VILL: variants seen among roughly 807,000 people sequenced by gnomAD.
VILL encodes villin-like protein.
VILL carries 102 observed loss-of-function variants against 106.3 expected under a neutral mutation model. That is an observed-to-expected ratio of 0.96 (90% CI 0.82 to 1.13). The LOEUF (loss-of-function observed/expected upper bound fraction) is 1.13, where lower values mean the gene tolerates loss of function less well. Ranked by LOEUF, VILL falls within the 50% of genes most tolerant of loss-of-function variation. The pLI, the probability that VILL is intolerant of heterozygous loss-of-function variation, is 0.00. For missense variants in VILL, 1,076 were observed against 1,116.6 expected, an observed-to-expected ratio of 0.96 and a Z score of 0.52; for synonymous variants, 431 against 440.3, an observed-to-expected ratio of 0.98 and a Z score of 0.27.
chr3:37,997,850 T>C lies in VILL; in HGVS notation c.764+165T>C, dbSNP rs1383690494. On this transcript the variant is annotated intron_variant, in intron 7 of 19. Coordinates refer to ENST00000383759, the MANE Select transcript of VILL (RefSeq NM_015873.4). This position sits in a 1 kb window ranked among gnomAD's most constrained non-coding sequence, Gnocchi z 4.7. ...GTCCAGCCTGTACTCTTCCATGGCA[T>C]GTGGCTGCCTTGCTGAGAAACCTAT... 6.6e-6 allele frequency among the ~76,000 whole-genome samples: 1 copy of C among 152,166 alleles called. No individual in the cohort carries two copies. The highest frequency in any genetic ancestry group is 1.9e-4 in the East Asian group (1 of 5,178).
intron 1 of VILL, among the ~76,000 whole-genome samples, chr3:37,991,686 T>C (rs1413370134): frequency 6.6e-6 from 1 of 151,812 alleles, no homozygotes. Context: ...AAGGAGGGCT[T>C]CTAGGAGAAG....
At chr3:38,004,054 C>T (rs539856893) in intron 15 of VILL, 6 of 587,214 alleles carry the variant, frequency 1.0e-5, no homozygotes, top group South Asian at 5.9e-5. Context: ...CTGGGTGGGG[C>T]GAGAGCTTTC....
chr3:37,999,040 C>G lies in VILL; in HGVS notation c.1071C>G (p.Leu357=), dbSNP rs1473016674. 7.6e-7 allele frequency: 1 copy of G among 1,308,016 alleles called. No individual in the cohort carries two copies. Among genetic ancestry groups the G allele is most frequent in the South Asian group, 1.2e-5 (1 of 81,366 alleles). 81.0% of individuals were successfully genotyped at this position (1,308,016 alleles called of 1,614,324 possible). A position where few individuals can be genotyped will look rare whatever the true frequency, so the allele number is the denominator to read the frequency against. Residue 357 remains leucine (L), a synonymous_variant, in exon 10 of 20, where the codon CTC becomes CTG. Transcript: ENST00000383759. ...WSEKRRRNQK[L]GGRDKSIHVK... Reference sequence around the variant, plus strand: ...AGAAGCGGCGCAGGAACCAGAAGCTCGGCGGGAGGGGTGAGCGGGCGGGGC... The same window carrying G: ...AGAAGCGGCGCAGGAACCAGAAGCTGGGCGGGAGGGGTGAGCGGGCGGGGC...
In VILL at chr3:37,997,875, T is replaced by C. The variant is rs1699734529; in HGVS notation, c.764+190T>C. On this transcript the variant is annotated intron_variant, in intron 7 of 19. Transcript: ENST00000383759. The surrounding 1 kb of genome is among the most constrained non-coding windows in gnomAD (Gnocchi z 4.7). ...TGTGGCTGCCTTGCTGAGAAACCTA[T>C]TGTACATACAGGGGGACTGTGGCGC... Among the ~76,000 whole-genome samples, 1 of 152,310 alleles carries C rather than the reference T, an allele frequency of 6.6e-6. No individual in the cohort carries two copies. The highest frequency in any genetic ancestry group is 6.5e-5 in the Admixed American group (1 of 15,306).
At chr3:38,006,096 G>A (rs1423958759) in intron 17 of VILL, 85 bp from the exon 18 acceptor site, 1 of 1,605,478 alleles carries the variant, frequency 6.2e-7, no homozygotes, top group African/African-American at 1.3e-5. Context: ...GAGAGACCTG[G>A]TCTTGTCCTC....
At chr3:38,006,036 G>A in intron 17 of VILL, 62 bp downstream of exon 17, 1 of 1,590,916 alleles carries the variant, frequency 6.3e-7, no homozygotes, top group African/African-American at 1.3e-5. Flanking sequence ...CCTGACCTGG[G>A]CCAATGGAAT....
chr3:38,001,394 A>G, intron 11 of VILL, 62 bp from the exon 12 acceptor site: 1 of 1,597,074 alleles, frequency 6.3e-7, no homozygotes, highest in Non-Finnish European at 8.5e-7. Context: ...GGTTGGGTAC[A>G]GGATGGGTGG....
chr3:37,993,813 C>T (rs1173168129), intron 2 of VILL, 81 bp downstream of exon 2: 6 of 1,607,012 alleles, frequency 3.7e-6, no homozygotes, highest in Non-Finnish European at 4.3e-6. Flanking sequence ...CCGCCCCCAA[C>T]TCAGAGCGTC....
In VILL at chr3:37,993,636, G is replaced by C; in HGVS notation, c.-37G>C. The C allele has an allele frequency of 6.2e-7, 1 of 1,606,994 alleles. No homozygotes were observed. Among genetic ancestry groups the C allele is most frequent in the Non-Finnish European group, 8.5e-7 (1 of 1,175,272 alleles). On this transcript the variant is annotated 5_prime_UTR_variant, in exon 2 of 20. Transcript: ENST00000383759. ...CTCCAGCCTGAGAACTCTGGCTGTT[G>C]TTCCTTGTGTCGTCCCATATTCCTG... is the stretch of plus-strand genomic sequence containing the variant.
intron 16 of VILL, among the ~76,000 whole-genome samples, chr3:38,004,625 A>T (rs1224768220): frequency 6.6e-6 from 1 of 152,176 alleles, no homozygotes; most frequent in Non-Finnish European, 1.5e-5. Flanking sequence ...GTTGGAACTC[A>T]GGGGTAACTG....
chr3:38,002,688 G>A lies in VILL; in HGVS notation c.1659+113G>A, dbSNP rs1699841463. 3.2e-6 allele frequency: 4 copies of A among 1,230,790 alleles called. No homozygotes were observed. In the South Asian group the frequency reaches 5.9e-5, roughly 18 times the overall value. The allele number at this position is 1,230,790 out of a possible 1,614,324, so 76.2% of individuals were successfully genotyped here. A position where few individuals can be genotyped will look rare whatever the true frequency, so the allele number is the denominator to read the frequency against. On this transcript the variant is annotated intron_variant, in intron 14 of 19. Coordinates refer to ENST00000383759, the MANE Select transcript of VILL (RefSeq NM_015873.4). The stretch of plus-strand genomic sequence containing the variant: ...TGAGTCCAGCCTCAGATAGGCCGAT[G>A]GGGGGAATGGGGAGGGGAAGAAGCC...
At chr3:37,989,450 C>T (rs1699585019), upstream of VILL, among the ~76,000 whole-genome samples, 1 of 152,130 alleles carries the variant, frequency 6.6e-6, no homozygotes, top group Non-Finnish European at 1.5e-5. Flanking sequence ...GCTCCTGCTG[C>T]CATTTAGAGG....
upstream of VILL, among the ~76,000 whole-genome samples, chr3:37,988,490 A>C (rs1468267565): frequency 6.6e-6 from 1 of 152,224 alleles, no homozygotes; most frequent in East Asian, 1.9e-4. Flanking sequence ...CCGTTTTGTA[A>C]GATGAAAGAG....
At position 37,995,738 on chromosome 3, in the gene VILL, G is replaced by C. The variant is rs1699689748; in HGVS notation, c.342-1G>C. 1 of 1,612,818 alleles carries C rather than the reference G, an allele frequency of 6.2e-7. No individual in the cohort carries two copies. Among genetic ancestry groups the C allele is most frequent in the Non-Finnish European group, 8.5e-7 (1 of 1,179,036 alleles). On this transcript the variant is annotated splice_acceptor_variant, in intron 4 of 19. Coordinates refer to ENST00000383759, the MANE Select transcript of VILL (RefSeq NM_015873.4). LOFTEE classifies it high-confidence loss of function. The stretch of plus-strand genomic sequence containing the variant: ...ATACCCTCCTGCTATTCCCACCTCA[G>C]CTACAGGAAGGGAGGCCTAGCATCT...
Position 37,993,725 on chromosome 3 carries a change from T to C in VILL, c.53T>C (p.Ile18Thr). ...PGMQGGLHIW[I>T]SENRKMVPVP... Reference sequence around the variant, plus strand: ...ATGCAGGGAGGCCTCCACATATGGATCTCTGAGGTGAGAGGCACGACCAAA... The same window carrying C: ...ATGCAGGGAGGCCTCCACATATGGACCTCTGAGGTGAGAGGCACGACCAAA... The change falls in exon 2 of 20, where the codon ATC (isoleucine) becomes ACC (threonine). Residue 18 changes from isoleucine to threonine, a missense_variant. Physicochemically the swap from Ile to Thr is moderately conservative, Grantham distance 89. Transcript: ENST00000383759. The C allele has an allele frequency of 6.2e-7, 1 of 1,614,052 alleles. No homozygotes were observed. The highest frequency in any genetic ancestry group is 8.5e-7 in the Non-Finnish European group (1 of 1,179,972).
Position 38,006,506 on chromosome 3 carries a change from G to GA in VILL, c.2263_2264insA (p.Ala755AspfsTer15). On this transcript the variant is annotated frameshift_variant, in exon 19 of 20. Coordinates refer to ENST00000383759, the MANE Select transcript of VILL (RefSeq NM_015873.4). LOFTEE classifies it high-confidence loss of function. ...GGGCAATGGCAGGGCAGGTGCCGTG[G>GA]CCCTGCAGGCCCTCAAGGGCTCCCA... is the stretch of plus-strand genomic sequence containing the variant. 1 of 1,610,884 alleles carries GA rather than the reference G, an allele frequency of 6.2e-7. No individual in the cohort carries two copies. Among genetic ancestry groups the GA allele is most frequent in the Non-Finnish European group, 8.5e-7 (1 of 1,177,466 alleles).
In VILL at chr3:38,001,573, T is replaced by C. The variant is rs1319902402; in HGVS notation, c.1300T>C (p.Tyr434His). The change falls in exon 12 of 20, where the codon TAC becomes CAC. Residue 434 changes from tyrosine to histidine, a missense_variant. Transcript: ENST00000383759. ...YTYQRLGRVQ[Y>H]ILYLWQGHQA... ...ATACCAGAGGCTGGGCCGTGTCCAG[T>C]ACATCCTGTACCTATGGCAGGTGTG... The C allele has an allele frequency of 6.2e-7, 1 of 1,614,032 alleles. No homozygotes were observed. The highest frequency in any genetic ancestry group is 8.5e-7 in the Non-Finnish European group (1 of 1,180,020).
intron 14 of VILL, 198 bp from the exon 15 acceptor site, chr3:38,002,952 GGACCCTGCGAGGGTCCCA>G (rs1158006353): frequency 4.0e-5 from 24 of 605,352 alleles, no homozygotes; most frequent in East Asian, 2.0e-4. Context: ...CCCATGCTCT[GGACCCTGCGAGGGTCCCA>G]GACCCTGCGA....
At position 37,998,146 on chromosome 3, in the gene VILL, C is replaced by G. The variant is rs763790754; in HGVS notation, c.821C>G (p.Thr274Ser). The G allele has an allele frequency of 5.0e-6, 8 of 1,613,824 alleles. No homozygotes were observed. The highest frequency in any genetic ancestry group is 1.1e-5 in the South Asian group (1 of 91,050). The change falls in exon 8 of 20, where the codon ACC becomes AGC. Residue 274 changes from threonine to serine, a missense_variant. Transcript: ENST00000383759. This position sits in a 1 kb window ranked among gnomAD's most constrained non-coding sequence, Gnocchi z 4.1. ...CTGGAGTTGGCGACCCCCCCACTGA[C>G]CCAGGACCTGCTGCAGGAGGAGGTG... is the stretch of plus-strand genomic sequence containing the variant. Reference protein sequence around the residue: ...VVLELATPPLTQDLLQEEDFY... With the variant: ...VVLELATPPLSQDLLQEEDFY...
Sources: gnomAD v4.1 joint callset for allele counts (sites outside exome capture counted in the v4.1 genomes callset) on GRCh38, gnomAD v4.1.1 for gene constraint, Gnocchi (gnomAD v3.1) non-coding constraint, MANE v1.5 for transcripts, NCBI Gene and HGNC (gene_info 2026-07-23, HGNC 2026-07-21) for gene names.